Variants in SH3GLB2 observed in about 807,000 individuals in gnomAD.
The protein encoded by SH3GLB2 is SH3 domain containing GRB2 like, endophilin B2, also known as endophilin-B2.
Under a neutral mutation model 48.0 loss-of-function variants are expected in SH3GLB2, and 24 were observed. The ratio of observed to expected loss-of-function variants is 0.50; its 90% CI spans 0.36 to 0.70. The LOEUF is 0.70. Ranked by LOEUF, SH3GLB2 falls within the 30% of genes least tolerant of loss-of-function variation. SH3GLB2 has a pLI of 0.00. For missense variants in SH3GLB2, 425 were observed against 516.0 expected (o/e 0.82, Z 1.71); for synonymous variants, 227 against 207.6 (o/e 1.09, Z -0.80).
chr9:129,022,264 C>A lies in SH3GLB2; in HGVS notation c.205+18G>T, dbSNP rs1206823820. Reference sequence around the variant, plus strand: ...CCCACGACTACATCCCTCCCCGGGCCCACGAACACGCACTCACTGGGGTTG... The same window carrying A: ...CCCACGACTACATCCCTCCCCGGGCACACGAACACGCACTCACTGGGGTTG... On this transcript the variant is annotated intron_variant, in intron 2 of 10. Transcript: ENST00000372564. The A allele has an allele frequency of 6.2e-7, 1 of 1,611,644 alleles. No individual in the cohort carries two copies. Among genetic ancestry groups the A allele is most frequent in the Admixed American group, 1.7e-5 (1 of 59,906 alleles).
At chr9:129,009,368 T>C in intron 9 of SH3GLB2, 22 bp from the exon 10 acceptor site, 1 of 1,550,898 alleles carries the variant, frequency 6.4e-7, no homozygotes, top group Non-Finnish European at 8.7e-7. Context: ...GGATACATCT[T>C]AGCAGGTGGG....
In SH3GLB2 at chr9:129,028,266, G is replaced by C. The variant is rs951633931; in HGVS notation, c.-112C>G. The C allele has an allele frequency of 1.4e-4, 93 of 657,716 alleles. No individual in the cohort carries two copies. The highest frequency in any genetic ancestry group is 1.6e-4 in the Non-Finnish European group (84 of 533,712). 40.7% of individuals were successfully genotyped at this position (657,716 alleles called of 1,614,324 possible). The stretch of plus-strand genomic sequence containing the variant: ...CTGCTGCGGGGCACCAGCCCTCCGC[G>C]CACCCGCCTGCCGGCCTGCCCGCCT... On this transcript the variant is annotated 5_prime_UTR_variant, in exon 1 of 11. Transcript: ENST00000372564.
At chr9:129,009,483 G>A (rs929305033) in intron 9 of SH3GLB2, 137 bp from the exon 10 acceptor site, 2 of 1,549,106 alleles carry the variant, frequency 1.3e-6, no homozygotes, top group Non-Finnish European at 1.7e-6. Context: ...AGCACAAAGG[G>A]AAAAGCAAAG....
intron 5 of SH3GLB2, chr9:129,013,979 C>T (rs1843273358): frequency 2.2e-6 from 1 of 461,474 alleles, no homozygotes. Context: ...GGCGGTCCAG[C>T]TCCCAGGTTT....
intron 9 of SH3GLB2, 134 bp downstream of exon 9, chr9:129,009,637 C>T (rs1232230349): frequency 7.2e-7 from 1 of 1,379,722 alleles, no homozygotes; most frequent in African/African-American, 1.4e-5. Flanking sequence ...GATGCCCGCA[C>T]CCAGAGTGGG....
At chr9:129,021,030 G>C (rs1336416939) in intron 3 of SH3GLB2, 61 bp downstream of exon 3, 5 of 1,395,698 alleles carry the variant, frequency 3.6e-6, no homozygotes, top group African/African-American at 1.5e-5. Flanking sequence ...AAGGAAGGGA[G>C]GGAGGGAGAA....
chr9:129,019,336 T>C (rs1843636429), intron 3 of SH3GLB2, among the ~76,000 whole-genome samples: 1 of 151,836 alleles, frequency 6.6e-6, no homozygotes, highest in Non-Finnish European at 1.5e-5. Context: ...TGCAGTGAGC[T>C]GAGATTGCAC....
Position 129,016,383 on chromosome 9 carries a change from G to A in SH3GLB2, c.335-1479C>T, listed in dbSNP as rs552328787. On this transcript the variant is annotated intron_variant, in intron 3 of 10. Coordinates refer to ENST00000372564, the MANE Select transcript of SH3GLB2 (RefSeq NM_020145.4). The stretch of plus-strand genomic sequence containing the variant: ...AAAAAAAAAAAAAAAAGATACGGCC[G>A]GGTGCGGTGGCTCACACCTGTAATC... 8.1e-5 allele frequency among the ~76,000 whole-genome samples: 12 copies of A among 147,342 alleles called. No homozygotes were observed. In the South Asian group the frequency reaches 8.7e-4, roughly 11 times the overall value.
chr9:129,023,064 A>T (rs568673171), intron 1 of SH3GLB2, among the ~76,000 whole-genome samples: 1 of 152,292 alleles, frequency 6.6e-6, no homozygotes, highest in South Asian at 2.1e-4. Flanking sequence ...AGGATGAAAG[A>T]GGAAAGATGT....
At chr9:129,010,519 G>C (rs201239437) in intron 7 of SH3GLB2, 151 bp downstream of exon 7, 1 of 864,168 alleles carries the variant, frequency 1.2e-6, no homozygotes, top group East Asian at 2.5e-5. Flanking sequence ...TCCCCACAGA[G>C]GGGAAACTGA....
chr9:129,018,753 C>T (rs1165438022), intron 3 of SH3GLB2, among the ~76,000 whole-genome samples: 1 of 150,720 alleles, frequency 6.6e-6, no homozygotes, highest in African/African-American at 2.5e-5. Context: ...ATTAGCCGAG[C>T]GTGGTGGCAG....
intron 1 of SH3GLB2, among the ~76,000 whole-genome samples, chr9:129,025,565 CAA>C (rs556717025): frequency 4.8e-5 from 4 of 83,450 alleles, no homozygotes; most frequent in Admixed American, 1.3e-4. Flanking sequence ...GACTCTGTCT[CAA>C]AAAAAAAAAA....
chr9:129,015,135 G>A (rs1003116338), intron 3 of SH3GLB2, among the ~76,000 whole-genome samples: 2 of 152,154 alleles, frequency 1.3e-5, no homozygotes, highest in African/African-American at 2.4e-5. Flanking sequence ...TATAAAGATC[G>A]GGGTTAGACT....
intron 8 of SH3GLB2, 92 bp downstream of exon 8, chr9:129,010,028 C>T: frequency 7.0e-7 from 1 of 1,433,636 alleles, no homozygotes. Flanking sequence ...TCTGTGAGGG[C>T]CATTCTGGGG....
Position 129,013,093 on chromosome 9 carries a change from A to G in SH3GLB2, c.562-795T>C, listed in dbSNP as rs1843219198. 5.9e-6 allele frequency: 9 copies of G among 1,533,066 alleles called. No individual in the cohort carries two copies. The Admixed American group carries it at 9.8e-5, about 17-fold the overall frequency. The allele number at this position is 1,533,066 out of a possible 1,614,324, so 95.0% of individuals were successfully genotyped here. ...TTAGTGAGTCCACAGCGCAGGCAGG[A>G]GCAGGCCCCCCAGGCCCCAGTGGGA... On this transcript the variant is annotated intron_variant, in intron 5 of 10. Transcript: ENST00000372564.
Position 129,015,267 on chromosome 9 carries a change from C to T in SH3GLB2, c.335-363G>A, listed in dbSNP as rs186818225. ...ATCCTAGCACTCTGGGAGGCCGAGA[C>T]GGGAGGATCACTTGAGCTCGGCAGT... On this transcript the variant is annotated intron_variant, in intron 3 of 10. Coordinates refer to ENST00000372564, the MANE Select transcript of SH3GLB2 (RefSeq NM_020145.4). Among the ~76,000 whole-genome samples the T allele has an allele frequency of 5.9e-3, 891 of 152,206 alleles. 9 individuals are homozygous for T. Among genetic ancestry groups the T allele is most frequent in the African/African-American group, 0.02 (846 of 41,532 alleles).
At position 129,014,051 on chromosome 9, in the gene SH3GLB2, T is replaced by G. The variant is rs1454093759; in HGVS notation, c.561+360A>C. Reference sequence around the variant, plus strand: ...CTCGGCCTGACGTTCAAGCAGCAAGTAGTAGAGTTAGTAAGAAGGTGCCAT... The same window carrying G: ...CTCGGCCTGACGTTCAAGCAGCAAGGAGTAGAGTTAGTAAGAAGGTGCCAT... On this transcript the variant is annotated intron_variant, in intron 5 of 10. Coordinates refer to ENST00000372564, the MANE Select transcript of SH3GLB2 (RefSeq NM_020145.4). The surrounding 1 kb of genome is among the most constrained non-coding windows in gnomAD (Gnocchi z 4.1). 9 of 505,620 alleles carry G rather than the reference T, an allele frequency of 1.8e-5. No individual in the cohort carries two copies. Among genetic ancestry groups the G allele is most frequent in the Non-Finnish European group, 3.1e-5 (8 of 259,702 alleles). 31.3% of individuals were successfully genotyped at this position (505,620 alleles called of 1,614,324 possible).
chr9:129,028,278 C>G lies in SH3GLB2; in HGVS notation c.-124G>C. The G allele has an allele frequency of 1.7e-6, 1 of 586,024 alleles. No homozygotes were observed. Among genetic ancestry groups the G allele is most frequent in the South Asian group, 7.0e-5 (1 of 14,372 alleles). The allele number at this position is 586,024 out of a possible 1,614,324, so 36.3% of individuals were successfully genotyped here. The stretch of plus-strand genomic sequence containing the variant: ...ACCAGCCCTCCGCGCACCCGCCTGC[C>G]GGCCTGCCCGCCTGCCCGCCCGCCG... On this transcript the variant is annotated 5_prime_UTR_variant, in exon 1 of 11. Transcript: ENST00000372564.
At chr9:129,024,829 G>T (rs1844045766) in intron 1 of SH3GLB2, among the ~76,000 whole-genome samples, 1 of 151,596 alleles carries the variant, frequency 6.6e-6, no homozygotes, top group African/African-American at 2.4e-5. Flanking sequence ...AATTAGCCAA[G>T]CGTGGTGGCA....
Sources: allele counts gnomAD v4.1 joint callset (sites outside exome capture counted in the v4.1 genomes callset), GRCh38; gene constraint gnomAD v4.1.1; non-coding constraint Gnocchi (gnomAD v3.1); transcripts MANE v1.5; gene names NCBI Gene and HGNC (gene_info 2026-07-23, HGNC 2026-07-21).